LYPLAL1: variants seen among roughly 807,000 people sequenced by gnomAD.
LYPLAL1 encodes the protein lysophospholipase-like protein 1.
A neutral mutation model predicts 19.7 loss-of-function variants in LYPLAL1; 23 were observed. The ratio of observed to expected loss-of-function variants is 1.17; its 90% confidence interval spans 0.84 to 1.65. LYPLAL1 has a LOEUF of 1.65. LYPLAL1 is among the 40% of genes most tolerant of loss of function. LYPLAL1 has a pLI of 0.00. For synonymous variants in LYPLAL1, 119 were observed against 96.3 expected, an observed-to-expected ratio of 1.24 and a Z score of -1.38; for missense variants, 355 against 279.4, an observed-to-expected ratio of 1.27 and a Z score of -1.93.
chr1:219,244,568 G>C, the LYPLAL1 span, among the ~76,000 whole-genome samples: 3 of 152,090 alleles, frequency 2.0e-5, no homozygotes, highest in African/African-American at 7.2e-5. Context: ...TGGGGATTAG[G>C]AAAAATGTTC....
chr1:219,366,967 G>C, the LYPLAL1 span, among the ~76,000 whole-genome samples: 7 of 151,738 alleles, frequency 4.6e-5, no homozygotes, highest in African/African-American at 1.7e-4. Flanking sequence ...GCCCACATAG[G>C]AAAATAACTT....
chr1:219,234,219 TA>T, the LYPLAL1 span, among the ~76,000 whole-genome samples: 14 of 152,206 alleles, frequency 9.2e-5, no homozygotes, highest in Non-Finnish European at 4.4e-5. Context: ...AATATACTAA[TA>T]AATCATTATT....
chr1:219,258,025 T>C, the LYPLAL1 span, among the ~76,000 whole-genome samples: 17 of 152,112 alleles, frequency 1.1e-4, no homozygotes, highest in Non-Finnish European at 1.9e-4. Context: ...CATACTTACA[T>C]GTCTGTTTAT....
At chr1:219,441,951 C>T in the LYPLAL1 span, among the ~76,000 whole-genome samples, 1 of 152,080 alleles carries the variant, frequency 6.6e-6, no homozygotes, top group African/African-American at 2.4e-5. Context: ...AAAATGAGAG[C>T]AATTCCAAAA....
chr1:219,337,355 A>G, the LYPLAL1 span, among the ~76,000 whole-genome samples: 1 of 152,220 alleles, frequency 6.6e-6, no homozygotes, highest in South Asian at 2.1e-4. Flanking sequence ...GGGAATAAGA[A>G]CATCTGAAGA....
At chr1:219,295,729 A>T in the LYPLAL1 span, among the ~76,000 whole-genome samples, 2 of 152,096 alleles carry the variant, frequency 1.3e-5, no homozygotes, top group South Asian at 4.1e-4. Flanking sequence ...TACCCACCAA[A>T]CTACAACTAA....
At chr1:219,356,964 T>A in the LYPLAL1 span, among the ~76,000 whole-genome samples, 19 of 152,208 alleles carry the variant, frequency 1.2e-4, no homozygotes, top group African/African-American at 4.3e-4. Flanking sequence ...TACTTGTTAA[T>A]ATCACCGTCA....
the LYPLAL1 span, among the ~76,000 whole-genome samples, chr1:219,228,097 G>A: frequency 6.6e-6 from 1 of 152,130 alleles, no homozygotes; most frequent in East Asian, 1.9e-4. Context: ...CAGATGTAAC[G>A]TCATCAAGAG....
the LYPLAL1 span, among the ~76,000 whole-genome samples, chr1:219,254,517 T>G: frequency 2.0e-5 from 3 of 152,020 alleles, no homozygotes; most frequent in African/African-American, 7.2e-5. Context: ...CAAAGGATCT[T>G]ATTTTCCTTT....
At chr1:219,219,978 T>G in the LYPLAL1 span, among the ~76,000 whole-genome samples, 25 of 152,110 alleles carry the variant, frequency 1.6e-4, no homozygotes, top group African/African-American at 2.4e-4. Context: ...CTCCAGGGGT[T>G]GTTGTGGAAG....
At chr1:219,374,750 C>T in the LYPLAL1 span, among the ~76,000 whole-genome samples, 25 of 152,248 alleles carry the variant, frequency 1.6e-4, no homozygotes, top group East Asian at 7.7e-4. Flanking sequence ...TCCCAAATTC[C>T]GGCAAAACAG....
At chr1:219,444,639 C>T in the LYPLAL1 span, among the ~76,000 whole-genome samples, 1 of 152,306 alleles carries the variant, frequency 6.6e-6, no homozygotes, top group East Asian at 1.9e-4. Flanking sequence ...TGACGTCTTA[C>T]CAGTCAAAGT....
chr1:219,372,115 A>G, the LYPLAL1 span, among the ~76,000 whole-genome samples: 1 of 152,238 alleles, frequency 6.6e-6, no homozygotes, highest in East Asian at 1.9e-4. Flanking sequence ...TTCACCTCAC[A>G]TAGAAAATTT....
At chr1:219,321,123 G>T in the LYPLAL1 span, among the ~76,000 whole-genome samples, 1 of 152,090 alleles carries the variant, frequency 6.6e-6, no homozygotes, top group Non-Finnish European at 1.5e-5. Flanking sequence ...ATTTTTTAAT[G>T]ATTGCCACTC....
the LYPLAL1 span, among the ~76,000 whole-genome samples, chr1:219,283,220 G>T: frequency 6.6e-6 from 1 of 152,102 alleles, no homozygotes; most frequent in Non-Finnish European, 1.5e-5. Context: ...TTTCAAGCAC[G>T]TGACAACAGG....
At chr1:219,239,270 C>T in the LYPLAL1 span, among the ~76,000 whole-genome samples, 1 of 152,094 alleles carries the variant, frequency 6.6e-6, no homozygotes, top group African/African-American at 2.4e-5. Flanking sequence ...TGAACAAAGC[C>T]CAGATGTGCA....
chr1:219,353,268 G>A, the LYPLAL1 span, among the ~76,000 whole-genome samples: 1 of 152,212 alleles, frequency 6.6e-6, no homozygotes, highest in African/African-American at 2.4e-5. Flanking sequence ...AATTTGTGAA[G>A]CACAATACCA....
chr1:219,388,546 C>T, the LYPLAL1 span, among the ~76,000 whole-genome samples: 1 of 152,098 alleles, frequency 6.6e-6, no homozygotes, highest in Non-Finnish European at 1.5e-5. Context: ...ACTAGTGGGA[C>T]ACCTCTTTCA....
the LYPLAL1 span, among the ~76,000 whole-genome samples, chr1:219,339,851 A>G: frequency 6.6e-6 from 1 of 152,056 alleles, no homozygotes; most frequent in Admixed American, 6.6e-5. Flanking sequence ...AAATATGTAA[A>G]GGCTAGCTTG....
Sources: allele counts gnomAD v4.1 joint callset (sites outside exome capture counted in the v4.1 genomes callset), GRCh38; gene constraint gnomAD v4.1.1; transcripts MANE v1.5; gene names NCBI Gene and HGNC (gene_info 2026-07-23, HGNC 2026-07-21).